Variants in IGSF21 observed in about 807,000 individuals in gnomAD.
IGSF21 encodes immunoglobin superfamily member 21, also known as immunoglobulin superfamily member 21.
A neutral mutation model predicts 46.8 loss-of-function variants in IGSF21; 28 were observed. The ratio of observed to expected loss-of-function variants is 0.60; its 90% CI spans 0.44 to 0.82. The LOEUF is 0.82. Ranked by LOEUF, IGSF21 falls within the 40% of genes least tolerant of loss-of-function variation. IGSF21 has a pLI of 0.00. For missense variants in IGSF21, 624 were observed against 665.5 expected, an observed-to-expected ratio of 0.94 and a Z score of 0.69; for synonymous variants, 284 against 273.6, an observed-to-expected ratio of 1.04 and a Z score of -0.38.
At chr1:18,271,841 A>G (rs747297689) in intron 2 of IGSF21, among the ~76,000 whole-genome samples, 2 of 152,166 alleles carry the variant, frequency 1.3e-5, no homozygotes, top group Non-Finnish European at 2.9e-5. Context: ...ACCATGGGTG[A>G]GTAGCTGGCA....
In IGSF21 at chr1:18,157,975, G is replaced by A. The variant is rs139065785; in HGVS notation, c.70+49777G>A. Among the ~76,000 whole-genome samples the A allele has an allele frequency of 8.7e-4, 133 of 152,172 alleles. 3 individuals are homozygous for A. The highest frequency in any genetic ancestry group is 3.4e-3 in the Middle Eastern group (1 of 294). ...TACACCTCCCGTCAGCCAGACCCTC[G>A]AAAGGTAGAACGTGCATCTCCTCCA... On this transcript the variant is annotated intron_variant, in intron 1 of 9. Coordinates refer to ENST00000251296, the MANE Select transcript of IGSF21 (RefSeq NM_032880.5).
intron 1 of IGSF21, among the ~76,000 whole-genome samples, chr1:18,160,235 GGAGTTA>G: frequency 6.6e-6 from 1 of 152,194 alleles, no homozygotes. Context: ...TCACTCTGCT[GGAGTTA>G]GAGCCTAGCT....
chr1:18,123,988 C>T (rs539789580), intron 1 of IGSF21, among the ~76,000 whole-genome samples: 7 of 152,290 alleles, frequency 4.6e-5, no homozygotes, highest in Admixed American at 2.0e-4. Flanking sequence ...CTGAAAATGC[C>T]ACTGGTGCTG....
At chr1:18,181,921 T>G (rs545219415) in intron 1 of IGSF21, among the ~76,000 whole-genome samples, 1 of 152,254 alleles carries the variant, frequency 6.6e-6, no homozygotes, top group South Asian at 2.1e-4. Context: ...AGCTCTGCTA[T>G]AAAATGAGGA....
chr1:18,336,710 C>G (rs2085770465), intron 4 of IGSF21, among the ~76,000 whole-genome samples: 1 of 152,192 alleles, frequency 6.6e-6, no homozygotes, highest in African/African-American at 2.4e-5. Flanking sequence ...AGGTTATTCT[C>G]CTACTGTGGC....
chr1:18,328,509 G>A (rs904490788), intron 3 of IGSF21, among the ~76,000 whole-genome samples: 4 of 152,276 alleles, frequency 2.6e-5, no homozygotes, highest in South Asian at 2.1e-4. Context: ...CTTCTGTATT[G>A]TTTTGTCTGT....
chr1:18,267,958 C>G (rs2085005568), intron 2 of IGSF21, among the ~76,000 whole-genome samples: 1 of 152,250 alleles, frequency 6.6e-6, no homozygotes, highest in Admixed American at 6.5e-5. Flanking sequence ...CTGTCTAGCT[C>G]TTTACAGAAA....
rs188790335 is a variant in IGSF21, at chr1:18,250,036, G to A, written c.183+22026G>A. On this transcript the variant is annotated intron_variant, in intron 2 of 9. Transcript: ENST00000251296. ...TGCCCAACATGGTCTCTGTGTCTCT[G>A]TCTCTCTCTTTCTCCTCCCCTCCCT... 6.7e-5 allele frequency among the ~76,000 whole-genome samples: 10 copies of A among 148,430 alleles called. No homozygotes were observed. The East Asian group carries it at 1.8e-3, about 27-fold the overall frequency.
chr1:18,181,141 G>A (rs537949306), intron 1 of IGSF21, among the ~76,000 whole-genome samples: 4 of 152,264 alleles, frequency 2.6e-5, no homozygotes, highest in South Asian at 2.1e-4. Context: ...CCTAGTCCCC[G>A]GCTCAGGGCC....
intron 2 of IGSF21, among the ~76,000 whole-genome samples, chr1:18,233,195 G>C (rs2084643965): frequency 2.6e-5 from 4 of 151,480 alleles, no homozygotes; most frequent in Admixed American, 2.6e-4. Flanking sequence ...CAGATAGAGA[G>C]AGAAGGAGAT....
intron 1 of IGSF21, among the ~76,000 whole-genome samples, chr1:18,157,745 T>A (rs1462029688): frequency 6.6e-6 from 1 of 152,050 alleles, no homozygotes; most frequent in Non-Finnish European, 1.5e-5. Context: ...TTTCCCAGGG[T>A]CACATATTTG....
At chr1:18,302,204 C>T (rs1364721806) in intron 3 of IGSF21, among the ~76,000 whole-genome samples, 2 of 152,064 alleles carry the variant, frequency 1.3e-5, no homozygotes, top group Non-Finnish European at 2.9e-5. Context: ...CAGCTTGACG[C>T]AGCAGCCCTC....
intron 3 of IGSF21, among the ~76,000 whole-genome samples, chr1:18,303,738 A>G (rs868773277): frequency 1.3e-5 from 2 of 152,190 alleles, no homozygotes; most frequent in Admixed American, 6.5e-5. Flanking sequence ...CTCTGTCCCC[A>G]TGGAGCTGAC....
intron 1 of IGSF21, among the ~76,000 whole-genome samples, chr1:18,183,801 G>A (rs2086878282): frequency 6.6e-6 from 1 of 152,134 alleles, no homozygotes; most frequent in Non-Finnish European, 1.5e-5. Context: ...CGGGTGGCGG[G>A]TGGTGCGGGG....
Position 18,365,621 on chromosome 1 carries a change from C to T in IGSF21, c.939C>T (p.Ile313=), listed in dbSNP as rs371464766. The T allele has an allele frequency of 6.2e-6, 10 of 1,614,078 alleles. No individual in the cohort carries two copies. The highest frequency in any genetic ancestry group is 2.2e-5 in the East Asian group (1 of 44,890). The change falls in exon 6 of 10, where the codon ATC becomes ATT. Residue 313 remains isoleucine, a synonymous_variant. Transcript: ENST00000251296. This position sits in a 1 kb window ranked among gnomAD's most constrained non-coding sequence, Gnocchi z 4.8. ...TCACCTGGACCCTCAACCCACAGAT[C>T]GACAACGAGGCCCTCTTCAGCTGCG... ...ALLTWTLNPQ[I]DNEALFSCEV...
chr1:18,274,252 C>T (rs571527353), intron 2 of IGSF21, among the ~76,000 whole-genome samples: 1 of 149,516 alleles, frequency 6.7e-6, no homozygotes, highest in African/African-American at 2.5e-5. Flanking sequence ...CACCTTCTTG[C>T]TCAACACTCC....
chr1:18,371,084 A>G (rs1014315773), intron 6 of IGSF21, among the ~76,000 whole-genome samples: 2 of 152,274 alleles, frequency 1.3e-5, no homozygotes, highest in African/African-American at 2.4e-5. Flanking sequence ...TTTACCCAAG[A>G]GAAATGAAAA....
intron 2 of IGSF21, among the ~76,000 whole-genome samples, chr1:18,281,738 C>T (rs1413778564): frequency 1.3e-5 from 2 of 152,126 alleles, no homozygotes; most frequent in African/African-American, 4.8e-5. Context: ...ACCCTGAACC[C>T]TGTCTCTAAT....
intron 2 of IGSF21, among the ~76,000 whole-genome samples, chr1:18,279,763 C>T (rs924418742): frequency 6.6e-6 from 1 of 152,234 alleles, no homozygotes; most frequent in African/African-American, 2.4e-5. Flanking sequence ...TGCCCTGATG[C>T]CATGTGTTAA....
Sources: allele counts gnomAD v4.1 joint callset (sites outside exome capture counted in the v4.1 genomes callset), GRCh38; gene constraint gnomAD v4.1.1; non-coding constraint Gnocchi (gnomAD v3.1); transcripts MANE v1.5; gene names NCBI Gene and HGNC (gene_info 2026-07-23, HGNC 2026-07-21).